The following CHEK1 variants were observed in gnomAD, a reference collection of about 807,000 sequenced individuals.
The protein encoded by CHEK1 is checkpoint kinase 1, also known as serine/threonine-protein kinase Chk1.
CHEK1 carries 32 observed loss-of-function variants against 60.2 expected under a neutral mutation model. That is an observed-to-expected ratio of 0.53 (90% confidence interval 0.40 to 0.71). The LOEUF is 0.71. Among genes scored for constraint, CHEK1 ranks in the 30% least tolerant of loss-of-function variants. CHEK1 has a pLI of 0.00. For synonymous variants in CHEK1, 179 were observed against 187.2 expected (o/e 0.96, Z 0.36); for missense variants, 399 against 564.6 (o/e 0.71, Z 2.97).
At chr11:125,628,103 G>A (rs1940699166) in intron 3 of CHEK1, among the ~76,000 whole-genome samples, 2 of 152,072 alleles carry the variant, frequency 1.3e-5, no homozygotes, top group Non-Finnish European at 1.5e-5. Flanking sequence ...AAGTTTTATG[G>A]TACATCATAA....
At chr11:125,678,066 G>A (rs1384958974), downstream of CHEK1, 1 of 1,614,074 alleles carries the variant, frequency 6.2e-7, no homozygotes, top group Non-Finnish European at 8.5e-7. Flanking sequence ...GGGCTCACCT[G>A]AAGCATGCTC....
Position 125,648,488 on chromosome 11 carries a change from C to A in CHEK1, c.1233+3845C>A, listed in dbSNP as rs752601047. On this transcript the variant is annotated intron_variant, in intron 11 of 12. Coordinates refer to ENST00000438015, the MANE Select transcript of CHEK1 (RefSeq NM_001114122.3). Reference sequence around the variant, plus strand: ...TCCCAGCTACTCGGGAGGCTGAGGCCGGAGAATCACTTGAACCTGGGAGGC... The same window carrying A: ...TCCCAGCTACTCGGGAGGCTGAGGCAGGAGAATCACTTGAACCTGGGAGGC... Among the ~76,000 whole-genome samples, 4 of 151,456 alleles carry A rather than the reference C, an allele frequency of 2.6e-5. No homozygotes were observed. In the East Asian group the frequency reaches 5.8e-4, roughly 22 times the overall value.
At chr11:125,680,740 C>T, downstream of CHEK1, 2 of 1,613,710 alleles carry the variant, frequency 1.2e-6, no homozygotes, top group South Asian at 1.1e-5. Context: ...TCTGGCAGAT[C>T]CAAGCAGATA....
intron 11 of CHEK1, among the ~76,000 whole-genome samples, chr11:125,645,774 AAC>A (rs1941478648): frequency 6.6e-6 from 1 of 152,224 alleles, no homozygotes; most frequent in Admixed American, 6.5e-5. Context: ...AAGGCCAATA[AAC>A]ACACACATAT....
At chr11:125,679,774 G>A (rs1293547592), downstream of CHEK1, among the ~76,000 whole-genome samples, 1 of 152,194 alleles carries the variant, frequency 6.6e-6, no homozygotes, top group Non-Finnish European at 1.5e-5. Context: ...TATTTTCTTG[G>A]CACAGTGCAG....
In CHEK1 at chr11:125,625,675, T is replaced by C. The variant is rs954639544; in HGVS notation, c.-358T>C. 7 of 611,068 alleles carry C rather than the reference T, an allele frequency of 1.1e-5. No individual in the cohort carries two copies. The highest frequency in any genetic ancestry group is 2.1e-5 in the Non-Finnish European group (7 of 338,100). The allele number at this position is 611,068 out of a possible 1,614,324, so 37.9% of individuals were successfully genotyped here. On this transcript the variant is annotated 5_prime_UTR_variant, in exon 1 of 13. Transcript: ENST00000438015. ...GCCCCTGAGGCTTGGAGGCCTGGGC[T>C]TCCCCCAGCAGCGCTCGAGCACCGC...
downstream of CHEK1, among the ~76,000 whole-genome samples, chr11:125,661,249 G>T (rs1942008728): frequency 6.6e-6 from 1 of 151,612 alleles, no homozygotes; most frequent in Admixed American, 6.6e-5. Flanking sequence ...ATCTTACTTT[G>T]GTTCCACTGG....
At chr11:125,637,381 CT>C in intron 7 of CHEK1, 67 bp from the exon 8 acceptor site, 2 of 1,264,710 alleles carry the variant, frequency 1.6e-6, no homozygotes, top group Non-Finnish European at 2.2e-6. Flanking sequence ...AAATGTGTTT[CT>C]TACCTCAAGC....
At chr11:125,636,880 C>T (rs561858637) in intron 7 of CHEK1, among the ~76,000 whole-genome samples, 7 of 152,036 alleles carry the variant, frequency 4.6e-5, no homozygotes, top group African/African-American at 1.7e-4. Context: ...GGTCTTCTAC[C>T]TCTACTATTT....
rs1940550915 is a variant in CHEK1, at chr11:125,625,605, C to A, written c.-428C>A. 4 of 595,412 alleles carry A rather than the reference C, an allele frequency of 6.7e-6. No individual in the cohort carries two copies. The highest frequency in any genetic ancestry group is 2.0e-5 in the South Asian group (1 of 49,712). The allele number at this position is 595,412 out of a possible 1,614,324, so 36.9% of individuals were successfully genotyped here. A position where few individuals can be genotyped will look rare whatever the true frequency, so the allele number is the denominator to read the frequency against. On this transcript the variant is annotated 5_prime_UTR_variant, in exon 1 of 13. Coordinates refer to ENST00000438015, the MANE Select transcript of CHEK1 (RefSeq NM_001114122.3). ...CTTTCAGGCCCAGAGCGGCCAGGAG[C>A]GAAGCCCGCAGCCCCGCCTGGAAGC...
chr11:125,644,380 C>T (rs1941422246), intron 10 of CHEK1, 112 bp downstream of exon 10: 5 of 1,453,664 alleles, frequency 3.4e-6, no homozygotes, highest in African/African-American at 1.4e-5. Flanking sequence ...CACATGTATT[C>T]TTTTTTGGTC....
intron 5 of CHEK1, among the ~76,000 whole-genome samples, chr11:125,632,079 G>A (rs187911230): frequency 3.0e-4 from 45 of 152,030 alleles, no homozygotes; most frequent in East Asian, 7.7e-4. Context: ...TAAAAATTGC[G>A]TCATGCTATA....
intron 5 of CHEK1, among the ~76,000 whole-genome samples, chr11:125,631,777 A>G (rs1940869439): frequency 6.8e-6 from 1 of 146,498 alleles, no homozygotes; most frequent in African/African-American, 2.5e-5. Flanking sequence ...AGGATTGATC[A>G]CTTCAGCCTA....
At chr11:125,644,901 G>C (rs939398284) in intron 11 of CHEK1, among the ~76,000 whole-genome samples, 3 of 151,938 alleles carry the variant, frequency 2.0e-5, no homozygotes, top group Non-Finnish European at 4.4e-5. Flanking sequence ...CCAGCTTCTC[G>C]GGAGGCTGAG....
intron 12 of CHEK1, 55 bp from the exon 13 acceptor site, chr11:125,655,170 A>G (rs752362926): frequency 1.9e-4 from 256 of 1,317,662 alleles, no homozygotes; most frequent in Non-Finnish European, 2.6e-4. Flanking sequence ...TTTAGGACAG[A>G]ATTTTGTTTT....
chr11:125,629,147 A>G (rs1940754528), intron 3 of CHEK1, 85 bp from the exon 4 acceptor site: 2 of 1,344,176 alleles, frequency 1.5e-6, no homozygotes, highest in Admixed American at 1.8e-5. Context: ...GCACATTTGT[A>G]AATGTCTAAG....
In CHEK1 at chr11:125,627,788, T is replaced by C; in HGVS notation, c.247T>C (p.Phe83Leu). 1 of 1,612,220 alleles carries C rather than the reference T, an allele frequency of 6.2e-7. No homozygotes were observed. The highest frequency in any genetic ancestry group is 8.5e-7 in the Non-Finnish European group (1 of 1,179,710). ...GAGAGAAGGCAATATCCAATATTTA[T>C]TTCTGGAGTACTGTAGTGGAGGAGA... ...HRREGNIQYL[F>L]LEYCSGGELF... is the part of the protein sequence containing the mutation. Residue 83 changes from phenylalanine to leucine, a missense_variant, in exon 3 of 13, where the codon TTT becomes CTT. Coordinates refer to ENST00000438015, the MANE Select transcript of CHEK1 (RefSeq NM_001114122.3).
At chr11:125,640,218 G>GGAA (rs1941232804) in intron 8 of CHEK1, among the ~76,000 whole-genome samples, 1 of 152,184 alleles carries the variant, frequency 6.6e-6, no homozygotes. Context: ...AAGATTAAAT[G>GGAA]GAAAGTACCA....
chr11:125,627,944 T>C lies in CHEK1; in HGVS notation c.289+114T>C, dbSNP rs1300775386. The C allele has an allele frequency of 2.1e-5, 16 of 756,294 alleles. No homozygotes were observed. In the South Asian group the frequency reaches 2.6e-4, roughly 12 times the overall value. 46.8% of individuals were successfully genotyped at this position (756,294 alleles called of 1,614,324 possible). A position where few individuals can be genotyped will look rare whatever the true frequency, so the allele number is the denominator to read the frequency against. ...CAAAATTGCTCATGCAACTGTGAAA[T>C]TGGAATACATTATCTTTAAAAAATT... On this transcript the variant is annotated intron_variant, in intron 3 of 12. Transcript: ENST00000438015.
Sources: gnomAD v4.1 joint callset for allele counts (sites outside exome capture counted in the v4.1 genomes callset) on GRCh38, gnomAD v4.1.1 for gene constraint, MANE v1.5 for transcripts, NCBI Gene and HGNC (gene_info 2026-07-23, HGNC 2026-07-21) for gene names.